ADARB2: variants seen among roughly 807,000 people sequenced by gnomAD.
The protein encoded by ADARB2 is inactive double-stranded RNA-specific editase B2.
A neutral mutation model predicts 62.2 loss-of-function variants in ADARB2; 25 were observed. That is an observed-to-expected ratio of 0.40 (90% CI 0.29 to 0.56). The LOEUF (loss-of-function observed/expected upper bound fraction) is 0.56, where lower values mean the gene tolerates loss of function less well. ADARB2 is among the 20% of genes least tolerant of loss of function. ADARB2 has a pLI of 0.43. For missense variants in ADARB2, 1,071 were observed against 1,077.4 expected, an observed-to-expected ratio of 0.99 and a Z score of 0.08; for synonymous variants, 572 against 500.8, an observed-to-expected ratio of 1.14 and a Z score of -1.90.
chr10:1,349,700 G>A (rs1396984404), intron 3 of ADARB2, among the ~76,000 whole-genome samples: 1 of 152,068 alleles, frequency 6.6e-6, no homozygotes, highest in Non-Finnish European at 1.5e-5. Flanking sequence ...TTCTTGTAGA[G>A]ACAAAGGAGA....
At chr10:1,193,503 C>T (rs977245572) in intron 8 of ADARB2, among the ~76,000 whole-genome samples, 8 of 152,130 alleles carry the variant, frequency 5.3e-5, no homozygotes, top group African/African-American at 1.9e-4. Context: ...TGCCCTAGTA[C>T]TCAAAATGTA....
intron 3 of ADARB2, among the ~76,000 whole-genome samples, chr10:1,327,206 C>A (rs1375429520): frequency 1.7e-5 from 2 of 119,110 alleles, no homozygotes; most frequent in Non-Finnish European, 3.7e-5. Context: ...AGGCACAGCG[C>A]CTCCTCACAG....
chr10:1,303,967 T>C (rs1047832054), intron 3 of ADARB2, among the ~76,000 whole-genome samples: 5 of 152,082 alleles, frequency 3.3e-5, no homozygotes, highest in African/African-American at 1.2e-4. Flanking sequence ...CTGCATCAAC[T>C]AATGAGCAAA....
chr10:1,554,887 C>T (rs897821737), intron 1 of ADARB2, among the ~76,000 whole-genome samples: 8 of 152,142 alleles, frequency 5.3e-5, no homozygotes, highest in Non-Finnish European at 1.0e-4. Flanking sequence ...AACCCTGTCC[C>T]CCTGCCCCCT....
At chr10:1,573,209 G>A (rs1832964013) in intron 1 of ADARB2, among the ~76,000 whole-genome samples, 1 of 152,328 alleles carries the variant, frequency 6.6e-6, no homozygotes, top group African/African-American at 2.4e-5. Context: ...GTCACTGATG[G>A]GGATGAGGGG....
chr10:1,734,079 A>C (rs1167076574), intron 1 of ADARB2, among the ~76,000 whole-genome samples: 1 of 152,138 alleles, frequency 6.6e-6, no homozygotes, highest in African/African-American at 2.4e-5. Flanking sequence ...TTACATAAAA[A>C]ATTTAAACCA....
chr10:1,220,267 GTGA>G (rs1379500313), intron 6 of ADARB2, among the ~76,000 whole-genome samples: 15 of 142,444 alleles, frequency 1.1e-4, no homozygotes, highest in Admixed American at 2.9e-4. Context: ...GATGATGGTG[GTGA>G]TGATGGTAAT....
At chr10:1,234,146 G>A (rs532247915) in intron 5 of ADARB2, among the ~76,000 whole-genome samples, 1 of 151,616 alleles carries the variant, frequency 6.6e-6, no homozygotes, top group African/African-American at 2.4e-5. Context: ...GCGCCACCAC[G>A]CCTAGTTCAT....
At chr10:1,702,827 T>G (rs1265948616) in intron 1 of ADARB2, among the ~76,000 whole-genome samples, 1 of 152,194 alleles carries the variant, frequency 6.6e-6, no homozygotes, top group East Asian at 1.9e-4. Context: ...CATGCGATGA[T>G]GAGTATGGGT....
At chr10:1,578,579 G>A (rs1461894958) in intron 1 of ADARB2, among the ~76,000 whole-genome samples, 3 of 152,040 alleles carry the variant, frequency 2.0e-5, no homozygotes, top group African/African-American at 7.2e-5. Flanking sequence ...CCTGGCAGCC[G>A]TGGGTGCTGT....
At chr10:1,534,881 C>T (rs1832306222) in intron 1 of ADARB2, 2 of 167,140 alleles carry the variant, frequency 1.2e-5, no homozygotes, top group South Asian at 4.1e-4. Flanking sequence ...GGCCCCACGC[C>T]TCAGCAGAAC....
chr10:1,538,090 C>T (rs1396415936), intron 1 of ADARB2, among the ~76,000 whole-genome samples: 6 of 152,218 alleles, frequency 3.9e-5, no homozygotes, highest in South Asian at 2.1e-4. Context: ...GAGACACACA[C>T]AGATGACACA....
chr10:1,697,834 G>A (rs917834203), intron 1 of ADARB2, among the ~76,000 whole-genome samples: 1 of 152,156 alleles, frequency 6.6e-6, no homozygotes, highest in Non-Finnish European at 1.5e-5. Context: ...CCGACTCCCT[G>A]CAACTTCTCT....
Position 1,363,485 on chromosome 10 carries a change from C to A in ADARB2, c.620G>T (p.Gly207Val), listed in dbSNP as rs747519318. Residue 207 changes from glycine (G) to valine (V), a missense_variant, in exon 3 of 10, where the codon GGC becomes GTC. Transcript: ENST00000381312. ...GTCGGAGGTGAAGTCCGTGCCGGGG[C>A]CCGGGCCCCCGCCCATGGCCAGGTG... ...QAHLAMGGGP[G>V]PGTDFTSDQA... is the part of the protein sequence containing the mutation. The A allele has an allele frequency of 1.4e-5, 21 of 1,502,992 alleles. No individual in the cohort carries two copies. The African/African-American group carries it at 2.6e-4, about 19-fold the overall frequency. The allele number at this position is 1,502,992 out of a possible 1,614,324, so 93.1% of individuals were successfully genotyped here.
chr10:1,509,596 G>A (rs1831895378), intron 1 of ADARB2, among the ~76,000 whole-genome samples: 1 of 152,150 alleles, frequency 6.6e-6, no homozygotes. Flanking sequence ...AGATAGGCTT[G>A]ACTATTTGTC....
rs184610019 is a variant in ADARB2 at position 1,330,848 on chromosome 10, T to C, written c.1077+32180A>G. Among the ~76,000 whole-genome samples the C allele has an allele frequency of 4.3e-3, 661 of 152,370 alleles. 8 individuals carry two copies. The highest frequency in any genetic ancestry group is 0.015 in the African/African-American group (614 of 41,594). On this transcript the variant is annotated intron_variant, in intron 3 of 9. Transcript: ENST00000381312. ...TGGGAGAAAATATTTGTAAGTCATA[T>C]ATCTGATGAGGCACTGATAAGACAT... is the stretch of plus-strand genomic sequence containing the variant.
At chr10:1,244,616 C>T (rs150817319) in intron 4 of ADARB2, among the ~76,000 whole-genome samples, 407 of 152,356 alleles carry the variant, frequency 2.7e-3, no homozygotes, top group African/African-American at 9.2e-3. Context: ...GCCAGCACCA[C>T]GTTCCCAACA....
At chr10:1,304,340 A>G (rs1220121986) in intron 3 of ADARB2, among the ~76,000 whole-genome samples, 2 of 149,944 alleles carry the variant, frequency 1.3e-5, no homozygotes, top group Non-Finnish European at 3.0e-5. Context: ...CTAAATATAT[A>G]TGCACCCAAT....
At chr10:1,380,248 C>T (rs977798240) in intron 1 of ADARB2, among the ~76,000 whole-genome samples, 4 of 152,376 alleles carry the variant, frequency 2.6e-5, no homozygotes, top group African/African-American at 9.6e-5. Flanking sequence ...CGTTGCTCAT[C>T]CAACACGGTG....
Sources: allele counts gnomAD v4.1 joint callset (sites outside exome capture counted in the v4.1 genomes callset), GRCh38; gene constraint gnomAD v4.1.1; transcripts MANE v1.5; gene names NCBI Gene and HGNC (gene_info 2026-07-23, HGNC 2026-07-21).